TNNI3K: variants seen among roughly 807,000 people sequenced by gnomAD.
The protein encoded by TNNI3K is TNNI3 interacting kinase.
Under a neutral mutation model 114.5 loss-of-function variants are expected in TNNI3K, and 140 were observed. That is an observed-to-expected ratio of 1.22 (90% CI 1.07 to 1.41). The LOEUF (loss-of-function observed/expected upper bound fraction) is 1.41, where lower values mean the gene tolerates loss of function less well. Ranked by LOEUF, TNNI3K falls within the 40% of genes most tolerant of loss-of-function variation. TNNI3K has a pLI of 0.00. For synonymous variants in TNNI3K, 347 were observed against 347.5 expected (o/e 1.00, Z 0.02); for missense variants, 1,125 against 1,007.6 (o/e 1.12, Z -1.58).
chr1:74,254,171 T>C (rs570631), intron 4 of TNNI3K, among the ~76,000 whole-genome samples: 1 of 152,006 alleles, frequency 6.6e-6, no homozygotes, highest in Non-Finnish European at 1.5e-5. Context: ...TATTTTTTTT[T>C]AGAACCATTT....
chr1:74,236,527 A>C (rs2100820764), intron 2 of TNNI3K, among the ~76,000 whole-genome samples: 1 of 151,926 alleles, frequency 6.6e-6, no homozygotes, highest in South Asian at 2.1e-4. Flanking sequence ...ATTCTTGTAA[A>C]CCATGCCGGC....
chr1:74,366,496 T>G (rs1230054648), intron 11 of TNNI3K: 3 of 152,022 alleles, frequency 2.0e-5, no homozygotes, highest in Non-Finnish European at 4.4e-5. Context: ...TGGGCATTTC[T>G]GGTCAGTGGA....
chr1:74,313,922 T>A (rs1325760712), intron 5 of TNNI3K, among the ~76,000 whole-genome samples: 1 of 151,838 alleles, frequency 6.6e-6, no homozygotes, highest in East Asian at 1.9e-4. Context: ...ATCATACAGC[T>A]GTTGTTTCAG....
At chr1:74,315,919 T>C (rs1249713276) in intron 5 of TNNI3K, among the ~76,000 whole-genome samples, 1 of 152,146 alleles carries the variant, frequency 6.6e-6, no homozygotes, top group East Asian at 1.9e-4. Context: ...TTGACCACTA[T>C]GCACAAGGAT....
chr1:74,444,426 C>T (rs192733467), intron 20 of TNNI3K, among the ~76,000 whole-genome samples: 40 of 151,990 alleles, frequency 2.6e-4, no homozygotes, highest in African/African-American at 8.9e-4. Context: ...GAACCTCTCA[C>T]TCACAATTGC....
intron 21 of TNNI3K, among the ~76,000 whole-genome samples, chr1:74,474,666 A>G (rs1668101838): frequency 6.6e-6 from 1 of 152,152 alleles, no homozygotes. Context: ...GAAGACGTTT[A>G]ATTCATTGCC....
chr1:74,480,899 A>C, intron 21 of TNNI3K: 1 of 717,446 alleles, frequency 1.4e-6, no homozygotes, highest in African/African-American at 1.7e-5. Flanking sequence ...CAAGAGAGAC[A>C]GGTTTGTGCT....
intron 23 of TNNI3K, among the ~76,000 whole-genome samples, chr1:74,496,190 C>T (rs989901440): frequency 5.9e-5 from 9 of 152,068 alleles, no homozygotes; most frequent in Non-Finnish European, 1.0e-4. Context: ...GAGAATGATA[C>T]GATGCTAACC....
intron 23 of TNNI3K, among the ~76,000 whole-genome samples, chr1:74,505,553 G>A (rs893152013): frequency 6.6e-6 from 1 of 151,364 alleles, no homozygotes; most frequent in East Asian, 1.9e-4. Flanking sequence ...CTCATGGATT[G>A]TTTTTTCTTT....
intron 21 of TNNI3K, among the ~76,000 whole-genome samples, chr1:74,486,169 A>T (rs554448715): frequency 3.3e-5 from 5 of 149,436 alleles, no homozygotes; most frequent in Admixed American, 2.0e-4. Context: ...CCTAAAATGC[A>T]GAAGTGGTCT....
At chr1:74,479,306 A>G (rs1668359543) in intron 21 of TNNI3K, among the ~76,000 whole-genome samples, 1 of 152,236 alleles carries the variant, frequency 6.6e-6, no homozygotes, top group Admixed American at 6.5e-5. Flanking sequence ...ACTAAGTGTC[A>G]TTTTATATTA....
At chr1:74,276,696 G>GCTAA (rs1320301850) in intron 5 of TNNI3K, among the ~76,000 whole-genome samples, 3 of 152,066 alleles carry the variant, frequency 2.0e-5, no homozygotes, top group Admixed American at 2.0e-4. Flanking sequence ...AATAGCTGAT[G>GCTAA]CTAAGTCTGA....
intron 4 of TNNI3K, among the ~76,000 whole-genome samples, chr1:74,270,057 G>T (rs1557463603): frequency 6.6e-6 from 1 of 151,858 alleles, no homozygotes; most frequent in Non-Finnish European, 1.5e-5. Context: ...AATTGAAGAA[G>T]TGATTTCGGG....
chr1:74,250,777 A>G lies in TNNI3K; in HGVS notation c.333+8A>G, dbSNP rs965574702. On this transcript the variant is annotated splice_region_variant and intron_variant, in intron 4 of 24. Transcript: ENST00000326637. ...CATTTAGCAGTTTACAAGGTAGGACACTTTAATTCCCATAAACACTGCATT... is the reference window on the plus strand; with the variant it reads ...CATTTAGCAGTTTACAAGGTAGGACGCTTTAATTCCCATAAACACTGCATT... The G allele has an allele frequency of 1.3e-6, 2 of 1,598,848 alleles. No homozygotes were observed. The highest frequency in any genetic ancestry group is 2.7e-5 in the African/African-American group (2 of 73,858).
At chr1:74,383,579 C>T (rs1389597277) in intron 17 of TNNI3K, among the ~76,000 whole-genome samples, 2 of 152,094 alleles carry the variant, frequency 1.3e-5, no homozygotes, top group African/African-American at 2.4e-5. Flanking sequence ...GAGAGCTCTT[C>T]TCATGCTATT....
chr1:74,446,518 T>G (rs907768059), intron 20 of TNNI3K, among the ~76,000 whole-genome samples: 57 of 146,974 alleles, frequency 3.9e-4, no homozygotes, highest in Middle Eastern at 3.6e-3. Context: ...GTAGTTTCTT[T>G]TGCTGTGCAG....
At chr1:74,474,849 A>G (rs1363035422) in intron 21 of TNNI3K, among the ~76,000 whole-genome samples, 1 of 152,034 alleles carries the variant, frequency 6.6e-6, no homozygotes, top group Non-Finnish European at 1.5e-5. Context: ...CCTGAAATGA[A>G]TCACTAGCAT....
chr1:74,341,188 T>G (rs1660729613), intron 7 of TNNI3K, among the ~76,000 whole-genome samples: 1 of 152,210 alleles, frequency 6.6e-6, no homozygotes, highest in Admixed American at 6.5e-5. Flanking sequence ...CAGTTTGATG[T>G]TCAGTTGTTT....
chr1:74,405,886 A>C lies in TNNI3K; in HGVS notation c.1773-30194A>C, dbSNP rs146274170. Reference sequence around the variant, plus strand: ...GAACATTGGACTTTTGCTTACTATAAGCATGTTCACATTTAGTTATATTCA... The same window carrying C: ...GAACATTGGACTTTTGCTTACTATACGCATGTTCACATTTAGTTATATTCA... On this transcript the variant is annotated intron_variant, in intron 17 of 24. Transcript: ENST00000326637. Among the ~76,000 whole-genome samples the C allele has an allele frequency of 3.1e-3, 472 of 152,312 alleles. 2 individuals carry two copies. Among genetic ancestry groups the C allele is most frequent in the African/African-American group, 0.01 (418 of 41,558 alleles).
Sources: allele counts gnomAD v4.1 joint callset (sites outside exome capture counted in the v4.1 genomes callset), GRCh38; gene constraint gnomAD v4.1.1; transcripts MANE v1.5; gene names NCBI Gene and HGNC (gene_info 2026-07-23, HGNC 2026-07-21).